PTPRT: variants seen among roughly 807,000 people sequenced by gnomAD.
The protein encoded by PTPRT is receptor-type tyrosine-protein phosphatase T.
Under a neutral mutation model 176.8 loss-of-function variants are expected in PTPRT, and 56 were observed. The ratio of observed to expected loss-of-function variants is 0.32; its 90% confidence interval spans 0.26 to 0.40. The LOEUF (loss-of-function observed/expected upper bound fraction) is 0.40. Ranked by LOEUF, PTPRT falls within the 10% of genes least tolerant of loss-of-function variation. The pLI is 1.00. For synonymous variants in PTPRT, 783 were observed against 739.0 expected (o/e 1.06, Z -0.96); for missense variants, 1,540 against 1,908.2 (o/e 0.81, Z 3.60).
Position 42,227,598 on chromosome 20 carries a change from T to C in PTPRT, c.2342+8631A>G, listed in dbSNP as rs559909436. On this transcript the variant is annotated intron_variant, in intron 15 of 30. Coordinates refer to ENST00000373187, the MANE Select transcript of PTPRT (RefSeq NM_007050.6). ...TGTAGCGAATGGGGAAAGTCCCTCA[T>C]TGTTTTTTTTTTTTTTTTTTTTTTT... Among the ~76,000 whole-genome samples the C allele has an allele frequency of 1.7e-3, 195 of 114,354 alleles. 1 individual carries two copies. Among genetic ancestry groups the C allele is most frequent in the East Asian group, 5.9e-3 (23 of 3,926 alleles). The allele number at this position is 114,354 out of a possible 152,430, so 75.0% of individuals were successfully genotyped here.
chr20:43,045,651 C>A (rs1382205970), intron 1 of PTPRT, among the ~76,000 whole-genome samples: 1 of 141,902 alleles, frequency 7.0e-6, no homozygotes. Context: ...TTTGTAAAGA[C>A]AGGGTCTCAC....
At chr20:42,215,776 C>A (rs1217339808) in intron 15 of PTPRT, among the ~76,000 whole-genome samples, 3 of 82,190 alleles carry the variant, frequency 3.7e-5, no homozygotes, top group African/African-American at 9.5e-5. Context: ...AGACTCCTTG[C>A]AGCATCCCCA....
intron 11 of PTPRT, among the ~76,000 whole-genome samples, chr20:42,330,083 T>C (rs1015358503): frequency 2.4e-4 from 37 of 152,214 alleles, no homozygotes; most frequent in Non-Finnish European, 8.8e-5. Flanking sequence ...CCATCCCTAC[T>C]TGACTCCAGA....
chr20:42,156,407 G>C (rs527864306), intron 17 of PTPRT, among the ~76,000 whole-genome samples: 1 of 152,312 alleles, frequency 6.6e-6, no homozygotes, highest in African/African-American at 2.4e-5. Context: ...CTAGGTCCTT[G>C]TCTCTGTCTA....
intron 13 of PTPRT, among the ~76,000 whole-genome samples, chr20:42,253,755 T>C (rs2146935539): frequency 6.6e-6 from 1 of 152,230 alleles, no homozygotes; most frequent in East Asian, 1.9e-4. Context: ...GACAGGAGAC[T>C]CCCTCTCCAA....
At chr20:42,213,327 C>T (rs926363205) in intron 15 of PTPRT, among the ~76,000 whole-genome samples, 23 of 83,194 alleles carry the variant, frequency 2.8e-4, no homozygotes, top group African/African-American at 7.3e-4. Flanking sequence ...GACCCGGGTG[C>T]CGGGTCCAGA....
At chr20:42,504,044 C>T (rs1277143870) in intron 7 of PTPRT, among the ~76,000 whole-genome samples, 1 of 152,110 alleles carries the variant, frequency 6.6e-6, no homozygotes, top group Admixed American at 6.6e-5. Flanking sequence ...CCCTTACCAA[C>T]ATCAGGCATA....
intron 26 of PTPRT, 124 bp downstream of exon 26, chr20:42,101,997 CTAG>C: frequency 8.8e-7 from 1 of 1,131,386 alleles, no homozygotes; most frequent in South Asian, 1.6e-5. Flanking sequence ...GTCCTTGGGA[CTAG>C]TAGATCAGAA....
chr20:42,849,315 T>C (rs867249323), intron 2 of PTPRT, among the ~76,000 whole-genome samples: 18 of 152,194 alleles, frequency 1.2e-4, no homozygotes, highest in African/African-American at 4.3e-4. Context: ...TCCTAAGTCT[T>C]TCCCACTTGC....
intron 11 of PTPRT, among the ~76,000 whole-genome samples, chr20:42,320,650 A>G (rs929735434): frequency 6.6e-6 from 1 of 152,224 alleles, no homozygotes; most frequent in African/African-American, 2.4e-5. Context: ...AGAAACTAGT[A>G]AAGGAGTGAG....
intron 7 of PTPRT, among the ~76,000 whole-genome samples, chr20:42,541,143 A>C (rs1320056123): frequency 6.6e-6 from 1 of 152,172 alleles, no homozygotes; most frequent in Non-Finnish European, 1.5e-5. Flanking sequence ...AAATATAAAA[A>C]AATATACAAT....
At chr20:42,155,819 T>A (rs1055945077) in intron 17 of PTPRT, among the ~76,000 whole-genome samples, 6 of 152,176 alleles carry the variant, frequency 3.9e-5, no homozygotes, top group African/African-American at 1.4e-4. Context: ...TGAATTACTG[T>A]CCCAGCCGCC....
intron 7 of PTPRT, among the ~76,000 whole-genome samples, chr20:42,473,564 C>G (rs2071236447): frequency 6.6e-6 from 1 of 152,168 alleles, no homozygotes; most frequent in African/African-American, 2.4e-5. Flanking sequence ...CAGCCTCAAA[C>G]TCCTAGGCTC....
At chr20:42,590,913 T>A (rs2073558371) in intron 7 of PTPRT, among the ~76,000 whole-genome samples, 1 of 148,176 alleles carries the variant, frequency 6.7e-6, no homozygotes, top group Admixed American at 6.8e-5. Context: ...GATCTAAATG[T>A]TACAGAGATT....
Position 42,388,669 on chromosome 20 carries a change from C to CT in PTPRT, c.1561-36385_1561-36384insA, listed in dbSNP as rs1436483474. Among the ~76,000 whole-genome samples the CT allele has an allele frequency of 4.0e-4, 61 of 152,318 alleles. No individual in the cohort carries two copies. In the East Asian group the frequency reaches 4.4e-3, roughly 11 times the overall value. On this transcript the variant is annotated intron_variant, in intron 9 of 30. Coordinates refer to ENST00000373187, the MANE Select transcript of PTPRT (RefSeq NM_007050.6). ...GTGGAGAAATAGGAACACTTTTACA[C>CT]GTTGGTGGGACTGTAAACTAGTTCA...
chr20:42,918,552 C>T (rs56137824), intron 1 of PTPRT, among the ~76,000 whole-genome samples: 4,617 of 152,248 alleles, frequency 0.03, 150 homozygotes, highest in African/African-American at 0.083. Context: ...ATCGATCAAG[C>T]CACCTGCTCT....
chr20:42,690,854 T>C (rs77533643), intron 6 of PTPRT, among the ~76,000 whole-genome samples: 1,737 of 152,298 alleles, frequency 0.011, 13 homozygotes, highest in Non-Finnish European at 0.018. Flanking sequence ...ATCAGGGTCA[T>C]GGTCATACCT....
intron 9 of PTPRT, among the ~76,000 whole-genome samples, chr20:42,413,616 T>C (rs1225049943): frequency 6.6e-6 from 1 of 152,084 alleles, no homozygotes; most frequent in Non-Finnish European, 1.5e-5. Flanking sequence ...TGCAAGATGG[T>C]TCAATATTAG....
intron 14 of PTPRT, among the ~76,000 whole-genome samples, chr20:42,243,781 C>T (rs961979920): frequency 2.0e-5 from 3 of 152,154 alleles, no homozygotes; most frequent in South Asian, 2.1e-4. Flanking sequence ...CTGCCCAAAA[C>T]GTTCACCAAC....
Sources: gnomAD v4.1 joint callset for allele counts (sites outside exome capture counted in the v4.1 genomes callset) on GRCh38, gnomAD v4.1.1 for gene constraint, MANE v1.5 for transcripts, NCBI Gene and HGNC (gene_info 2026-07-23, HGNC 2026-07-21) for gene names.